GART: variants seen among roughly 807,000 people sequenced by gnomAD.
The protein encoded by GART is phosphoribosylglycinamide formyltransferase, phosphoribosylglycinamide synthetase, phosphoribosylaminoimidazole synthetase, also known as trifunctional purine biosynthetic protein adenosine-3.
GART carries 43 observed loss-of-function variants against 107.2 expected under a neutral mutation model. That is an observed-to-expected ratio of 0.40 (90% CI 0.31 to 0.52). The LOEUF (loss-of-function observed/expected upper bound fraction) is 0.52. GART is among the 20% of genes least tolerant of loss of function. GART has a pLI of 0.52. For missense variants in GART, 1,107 were observed against 1,206.5 expected (o/e 0.92, Z 1.22); for synonymous variants, 434 against 427.0 (o/e 1.02, Z -0.20).
At chr21:33,505,045 C>G (rs1285771971) in intron 20 of GART, among the ~76,000 whole-genome samples, 1 of 152,168 alleles carries the variant, frequency 6.6e-6, no homozygotes, top group Non-Finnish European at 1.5e-5. Context: ...TGTGTGCACA[C>G]ATACACAAAC....
chr21:33,520,315 A>G, intron 14 of GART, 49 bp downstream of exon 14: 8 of 1,565,072 alleles, frequency 5.1e-6, no homozygotes, highest in Non-Finnish European at 7.0e-6. Context: ...ATAGGGCTAA[A>G]ACACAAAAAG....
chr21:33,504,112 A>C lies in GART; in HGVS notation c.*12T>G. On this transcript the variant is annotated 3_prime_UTR_variant, in exon 22 of 22. Transcript: ENST00000381815. ...TCTTTCTAAACTGGCCCCATTTCTG[A>C]ATTAAAAGGCTTCATTCCTCTTTAA... 6.3e-7 allele frequency: 1 copy of C among 1,588,146 alleles called. No homozygotes were observed. The highest frequency in any genetic ancestry group is 1.1e-5 in the South Asian group (1 of 88,472).
chr21:33,506,127 G>C, intron 18 of GART, 23 bp from the exon 19 acceptor site: 1 of 1,606,876 alleles, frequency 6.2e-7, no homozygotes, highest in East Asian at 2.2e-5. Context: ...AAAAACAGCA[G>C]TGAGCTCATA....
In GART at chr21:33,524,474, A is replaced by G. The variant is rs534016362; in HGVS notation, c.1298+295T>C. The G allele has an allele frequency of 3.5e-4, 251 of 724,020 alleles. 1 individual carries two copies. In the Middle Eastern group the frequency reaches 6.3e-3, roughly 18 times the overall value. The allele number at this position is 724,020 out of a possible 1,614,324, so 44.8% of individuals were successfully genotyped here. A position where few individuals can be genotyped will look rare whatever the true frequency, so the allele number is the denominator to read the frequency against. The stretch of plus-strand genomic sequence containing the variant: ...GCTGAGGCATGAGAACTTGGGCGAG[A>G]GAGGAAGACCCTGTTAAAAAAATTA... On this transcript the variant is annotated intron_variant, in intron 11 of 21. Transcript: ENST00000381815.
Position 33,524,772 on chromosome 21 carries a change from G to A in GART, c.1295C>T (p.Pro432Leu). The A allele has an allele frequency of 6.2e-7, 1 of 1,614,170 alleles. No homozygotes were observed. Among genetic ancestry groups the A allele is most frequent in the Admixed American group, 1.7e-5 (1 of 60,024 alleles). ...GFRAIAFLQQ[P>L]RSLTYKESGV... ...GCTAACTTGCTTAGAGTTTTACCTG[G>A]GCTGCTGGAGGAAAGCTATGGCACG... The change falls in exon 11 of 22, where the codon CCC becomes CTC. Residue 432 changes from proline (P) to leucine (L), a missense_variant. Coordinates refer to ENST00000381815, the MANE Select transcript of GART (RefSeq NM_000819.5).
Position 33,506,071 on chromosome 21 carries a change from C to T in GART, c.2486G>A (p.Arg829Gln), listed in dbSNP as rs769866078. 8.1e-6 allele frequency: 13 copies of T among 1,613,886 alleles called. No homozygotes were observed. Among genetic ancestry groups the T allele is most frequent in the South Asian group, 5.5e-5 (5 of 91,072 alleles). The change falls in exon 19 of 22, where the codon CGG (arginine) becomes CAG (glutamine). Residue 829 changes from arginine to glutamine, a missense_variant. Physicochemically the swap from Arg to Gln is conservative, Grantham distance 43. Coordinates refer to ENST00000381815, the MANE Select transcript of GART (RefSeq NM_000819.5). ...AATTTGTGCAGAGCTATTTGGTTCC[C>T]GAGTACTGTCTATAAGTGCTTGCAG... Reference protein sequence around the residue: ...SNLQALIDSTREPNSSAQIDI... With the variant: ...SNLQALIDSTQEPNSSAQIDI...
chr21:33,533,194 C>G (rs894784207), intron 4 of GART, among the ~76,000 whole-genome samples: 1 of 152,074 alleles, frequency 6.6e-6, no homozygotes, highest in East Asian at 1.9e-4. Context: ...AATCCCAGCA[C>G]TTTGGGAGGC....
intron 14 of GART, chr21:33,518,609 G>A (rs533794863): frequency 6.1e-6 from 2 of 326,414 alleles, no homozygotes; most frequent in African/African-American, 4.3e-5. Flanking sequence ...TCAGAAAGCA[G>A]TCATAATGTA....
rs115940918 is a variant in GART, at chr21:33,532,916, T to C, written c.417-460A>G. On this transcript the variant is annotated intron_variant, in intron 4 of 21. Coordinates refer to ENST00000381815, the MANE Select transcript of GART (RefSeq NM_000819.5). ...TACCCAAAGTAAGTAACAAAACTGT[T>C]ACTTGCTCAAGGCATCTGGCTGCTA... Among the ~76,000 whole-genome samples, 321 of 152,196 alleles carry C rather than the reference T, an allele frequency of 2.1e-3. 2 individuals carry two copies. The highest frequency in any genetic ancestry group is 7.5e-3 in the African/African-American group (311 of 41,520).
chr21:33,514,175 G>A (rs182467970), intron 16 of GART, among the ~76,000 whole-genome samples: 53 of 152,200 alleles, frequency 3.5e-4, no homozygotes, highest in African/African-American at 1.2e-3. Context: ...GGCTGAGGTC[G>A]GAGAATCACT....
chr21:33,528,775 G>T, intron 8 of GART, 75 bp downstream of exon 8: 1 of 1,116,902 alleles, frequency 9.0e-7, no homozygotes, highest in Non-Finnish European at 1.3e-6. Flanking sequence ...AAAAAAAAGG[G>T]AATGGAAAAT....
intron 12 of GART, 64 bp from the exon 13 acceptor site, chr21:33,521,079 G>A: frequency 7.5e-7 from 1 of 1,339,162 alleles, no homozygotes; most frequent in Non-Finnish European, 1.1e-6. Flanking sequence ...TTATTTAAAT[G>A]TCTACTAGTT....
rs750657319 is a variant in GART at position 33,528,630 on chromosome 21, AAAG to A, written c.812-29_812-27del. 4.8e-6 allele frequency: 7 copies of A among 1,454,630 alleles called. No homozygotes were observed. In the African/African-American group the frequency reaches 5.8e-5, roughly 12 times the overall value. The allele number at this position is 1,454,630 out of a possible 1,614,324, so 90.1% of individuals were successfully genotyped here. A position where few individuals can be genotyped will look rare whatever the true frequency, so the allele number is the denominator to read the frequency against. On this transcript the variant is annotated intron_variant, in intron 8 of 21. Coordinates refer to ENST00000381815, the MANE Select transcript of GART (RefSeq NM_000819.5). Reference sequence around the variant, plus strand: ...CTTCATTAAAAAAGAAAAAAAAAAAAAAGAGAGAAAGAAAATCTATGATGAAGA... The same window carrying A: ...CTTCATTAAAAAAGAAAAAAAAAAAAAGAGAAAGAAAATCTATGATGAAGA...
rs144231697 is a variant in GART, at chr21:33,539,208, G to A, written c.108C>T (p.Asn36=). 71 of 1,613,948 alleles carry A rather than the reference G, an allele frequency of 4.4e-5. 1 individual carries two copies. The African/African-American group carries it at 6.9e-4, about 16-fold the overall frequency. ...HVKQVLVAPG[N]AGTACSEKIS... is the part of the protein sequence containing the mutation. Reference sequence around the variant, plus strand: ...TCTTTTCAGAGCAGGCAGTGCCTGCGTTTCCTGGGGCAACCAACACTTGTT... The same window carrying A: ...TCTTTTCAGAGCAGGCAGTGCCTGCATTTCCTGGGGCAACCAACACTTGTT... Residue 36 remains asparagine, a synonymous_variant, in exon 2 of 22, where the codon AAC becomes AAT. Transcript: ENST00000381815.
chr21:33,529,621 G>C (rs905499417), intron 7 of GART: 3 of 152,124 alleles, frequency 2.0e-5, no homozygotes, highest in Admixed American at 2.0e-4. Flanking sequence ...ATCGCGCCCA[G>C]CTAATTTTTG....
Position 33,528,504 on chromosome 21 carries a change from G to A in GART, c.897+15C>T. 1 of 1,584,522 alleles carries A rather than the reference G, an allele frequency of 6.3e-7. No homozygotes were observed. The highest frequency in any genetic ancestry group is 1.1e-5 in the South Asian group (1 of 87,096). The stretch of plus-strand genomic sequence containing the variant: ...CATATCTTCTACCAAGTAATACTTT[G>A]ATATTTTTACCCACTTGGCACTCTG... On this transcript the variant is annotated intron_variant, in intron 9 of 21. Transcript: ENST00000381815.
chr21:33,537,751 T>G (rs1163234643), intron 2 of GART, among the ~76,000 whole-genome samples: 2 of 151,716 alleles, frequency 1.3e-5, no homozygotes, highest in African/African-American at 4.9e-5. Context: ...TAGGGTATAG[T>G]GAAAAGAGAA....
Position 33,517,505 on chromosome 21 carries a change from C to G in GART, c.1806G>C (p.Leu602=). The change falls in exon 15 of 22, where the codon CTG becomes CTC. Residue 602 remains leucine (L), a synonymous_variant. Transcript: ENST00000381815. ...AMERDQKLPH[L]ERITEGDVVV... ...CAACATCACCCTCAGTGATTCTTTCCAGGTGAGGGAGTTTCTGATCTCGCT... is the reference window on the plus strand; with the variant it reads ...CAACATCACCCTCAGTGATTCTTTCGAGGTGAGGGAGTTTCTGATCTCGCT... 6.2e-7 allele frequency: 1 copy of G among 1,614,192 alleles called. No homozygotes were observed. The highest frequency in any genetic ancestry group is 8.5e-7 in the Non-Finnish European group (1 of 1,180,032).
At chr21:33,540,235 G>C (rs995917097) in intron 1 of GART, among the ~76,000 whole-genome samples, 1 of 152,170 alleles carries the variant, frequency 6.6e-6, no homozygotes, top group Non-Finnish European at 1.5e-5. Flanking sequence ...AACAGGCAGT[G>C]GGTCAGAGAT....
Sources: allele counts gnomAD v4.1 joint callset (sites outside exome capture counted in the v4.1 genomes callset), GRCh38; gene constraint gnomAD v4.1.1; transcripts MANE v1.5; gene names NCBI Gene and HGNC (gene_info 2026-07-23, HGNC 2026-07-21).